Variants in CERKL observed in about 807,000 individuals in gnomAD.
CERKL encodes CERK like autophagy regulator, also known as ceramide kinase-like protein.
CERKL carries 61 observed loss-of-function variants against 63.4 expected under a neutral mutation model. The ratio of observed to expected loss-of-function variants is 0.96; its 90% CI spans 0.78 to 1.19. CERKL has a LOEUF of 1.19. CERKL is among the 50% of genes most tolerant of loss of function. CERKL has a pLI of 0.00. For synonymous variants in CERKL, 250 were observed against 230.5 expected (o/e 1.08, Z -0.77); for missense variants, 675 against 655.5 (o/e 1.03, Z -0.33).
chr2:181,568,804 T>G (rs1370684874), intron 3 of CERKL, among the ~76,000 whole-genome samples: 1 of 151,800 alleles, frequency 6.6e-6, no homozygotes, highest in Non-Finnish European at 1.5e-5. Context: ...CATCTAGCAT[T>G]AGGTATATCT....
intron 12 of CERKL, among the ~76,000 whole-genome samples, chr2:181,538,746 T>A (rs1007905697): frequency 6.6e-6 from 1 of 152,186 alleles, no homozygotes; most frequent in African/African-American, 2.4e-5. Context: ...AACACTTTAC[T>A]ATTCAGATGG....
intron 2 of CERKL, among the ~76,000 whole-genome samples, chr2:181,574,996 G>GC (rs1455479773): frequency 1.3e-5 from 2 of 152,166 alleles, no homozygotes; most frequent in East Asian, 1.9e-4. Context: ...TAAGAAGCCT[G>GC]CATCAGCCTC....
intron 8 of CERKL, chr2:181,548,207 T>C (rs954228730): frequency 1.9e-6 from 1 of 513,430 alleles, no homozygotes; most frequent in African/African-American, 2.0e-5. Flanking sequence ...TCAAAGTGCC[T>C]GGCATATAGT....
intron 1 of CERKL, among the ~76,000 whole-genome samples, chr2:181,647,203 G>A (rs961010807): frequency 4.6e-5 from 7 of 152,166 alleles, no homozygotes; most frequent in Non-Finnish European, 1.0e-4. Context: ...GAAGGCTGAA[G>A]GTCACTAAAA....
At chr2:181,555,659 C>T (rs1559075348) in intron 5 of CERKL, among the ~76,000 whole-genome samples, 2 of 151,074 alleles carry the variant, frequency 1.3e-5, no homozygotes, top group South Asian at 2.1e-4. Flanking sequence ...TTTCTATAAT[C>T]ATAGGGAAAA....
chr2:181,570,680 T>G (rs1403955156), intron 3 of CERKL, among the ~76,000 whole-genome samples: 2 of 152,156 alleles, frequency 1.3e-5, no homozygotes, highest in Non-Finnish European at 2.9e-5. Flanking sequence ...TATTCAGAAG[T>G]AGTTAGGATT....
At chr2:181,610,481 T>C (rs1449116765) in intron 1 of CERKL, among the ~76,000 whole-genome samples, 2 of 152,190 alleles carry the variant, frequency 1.3e-5, no homozygotes, top group Non-Finnish European at 2.9e-5. Context: ...AACAAAAGTA[T>C]CTGAAGCAAT....
intron 2 of CERKL, among the ~76,000 whole-genome samples, chr2:181,589,651 C>A (rs1342040258): frequency 1.3e-5 from 2 of 152,082 alleles, no homozygotes; most frequent in Admixed American, 1.3e-4. Context: ...TACCTTCTAC[C>A]ATACAAAAAA....
At chr2:181,630,170 T>C (rs1686891786) in intron 1 of CERKL, among the ~76,000 whole-genome samples, 1 of 151,920 alleles carries the variant, frequency 6.6e-6, no homozygotes, top group African/African-American at 2.4e-5. Flanking sequence ...CTTGAGTAGG[T>C]GGGACTAGAG....
Position 181,566,126 on chromosome 2 carries a change from TAAAA to T in CERKL, c.614-9_614-6del. On this transcript the variant is annotated splice_region_variant and splice_polypyrimidine_tract_variant and intron_variant, in intron 3 of 12. Coordinates refer to ENST00000410087, the MANE Select transcript of CERKL (RefSeq NM_201548.5). Reference sequence around the variant, plus strand: ...CGTGCCCTTCATATTCCATTACTATTAAAAAAACACACACACATACACAAAGTGA... The same window carrying T: ...CGTGCCCTTCATATTCCATTACTATTAAACACACACACATACACAAAGTGA... The T allele has an allele frequency of 6.2e-7, 1 of 1,607,614 alleles. No individual in the cohort carries two copies. Among genetic ancestry groups the T allele is most frequent in the Non-Finnish European group, 8.5e-7 (1 of 1,174,522 alleles).
intron 2 of CERKL, among the ~76,000 whole-genome samples, chr2:181,581,270 G>A (rs60338567): frequency 0.34 from 52,292 of 152,060 alleles, 9,545 homozygotes; most frequent in African/African-American, 0.46. Context: ...ACCTCAGTGT[G>A]TCAGCAAAGT....
chr2:181,544,619 G>C, intron 11 of CERKL, 81 bp downstream of exon 11: 1 of 777,308 alleles, frequency 1.3e-6, no homozygotes, highest in Non-Finnish European at 2.2e-6. Flanking sequence ...TATGAGGCAG[G>C]ATTCGATGTC....
At chr2:181,655,984 T>A (rs533969000) in intron 1 of CERKL, among the ~76,000 whole-genome samples, 1 of 152,296 alleles carries the variant, frequency 6.6e-6, no homozygotes, top group South Asian at 2.1e-4. Context: ...TTATAAAATA[T>A]CTGTTAAGTC....
intron 1 of CERKL, among the ~76,000 whole-genome samples, chr2:181,634,586 A>G (rs1267742355): frequency 6.6e-6 from 1 of 152,136 alleles, no homozygotes; most frequent in Non-Finnish European, 1.5e-5. Context: ...ACCTGATTTT[A>G]TTGAAACTCT....
chr2:181,619,702 A>G (rs1686365481), intron 1 of CERKL, among the ~76,000 whole-genome samples: 1 of 152,022 alleles, frequency 6.6e-6, no homozygotes, highest in South Asian at 2.1e-4. Context: ...TCAAATATTA[A>G]CCAACTGTCG....
At chr2:181,554,774 T>C (rs890532785) in intron 5 of CERKL, among the ~76,000 whole-genome samples, 15 of 152,166 alleles carry the variant, frequency 9.9e-5, no homozygotes, top group Non-Finnish European at 1.5e-5. Flanking sequence ...AGGAGGCAAA[T>C]GGCTTCAAAG....
intron 5 of CERKL, among the ~76,000 whole-genome samples, chr2:181,552,121 A>G (rs1688012776): frequency 1.3e-5 from 2 of 152,176 alleles, no homozygotes; most frequent in South Asian, 4.1e-4. Context: ...AAAAGCGAAG[A>G]GTAAAATAGT....
chr2:181,630,362 G>C (rs1686903187), intron 1 of CERKL, among the ~76,000 whole-genome samples: 1 of 151,994 alleles, frequency 6.6e-6, no homozygotes, highest in South Asian at 2.1e-4. Context: ...CACTCTCAAG[G>C]TTGGAAAAGA....
intron 1 of CERKL, among the ~76,000 whole-genome samples, chr2:181,622,812 A>C (rs1199534265): frequency 6.6e-6 from 1 of 152,214 alleles, no homozygotes; most frequent in Non-Finnish European, 1.5e-5. Flanking sequence ...GATTCCTTAA[A>C]ACAGATTAGC....
Sources: allele counts gnomAD v4.1 joint callset (sites outside exome capture counted in the v4.1 genomes callset), GRCh38; gene constraint gnomAD v4.1.1; transcripts MANE v1.5; gene names NCBI Gene and HGNC (gene_info 2026-07-23, HGNC 2026-07-21).